OLFM3: variants seen among roughly 807,000 people sequenced by gnomAD.
OLFM3 encodes the protein noelin-3.
A neutral mutation model predicts 48.6 loss-of-function variants in OLFM3; 20 were observed. The observed-to-expected ratio is 0.41, with a 90% CI of 0.29 to 0.60. OLFM3 has a LOEUF of 0.60. Ranked by LOEUF, OLFM3 falls within the 20% of genes least tolerant of loss-of-function variation. The pLI is 0.28. For missense variants in OLFM3, 437 were observed against 544.3 expected (o/e 0.80, Z 1.96); for synonymous variants, 222 against 198.1 (o/e 1.12, Z -1.01).
rs1176403079 is a variant in OLFM3 at position 101,975,830 on chromosome 1, A to ACGCAG, written c.69+20913_69+20917dup. The stretch of plus-strand genomic sequence containing the variant: ...GAATATTCAGGAGACACAGGGAGCA[A>ACGCAG]CGCAGCGTAATACCCACACACAGAG... On this transcript the variant is annotated intron_variant, in intron 1 of 5. Transcript: ENST00000370103. Among the ~76,000 whole-genome samples, 3 of 152,270 alleles carry ACGCAG rather than the reference A, an allele frequency of 2.0e-5. No homozygotes were observed. In the East Asian group the frequency reaches 5.8e-4, roughly 29 times the overall value.
chr1:101,888,724 T>A (rs1045762573), intron 1 of OLFM3, among the ~76,000 whole-genome samples: 1 of 152,058 alleles, frequency 6.6e-6, no homozygotes, highest in Non-Finnish European at 1.5e-5. Context: ...ACCTACAGAA[T>A]GGGAGAAAAT....
intron 1 of OLFM3, among the ~76,000 whole-genome samples, chr1:101,886,970 C>G (rs560519494): frequency 6.6e-6 from 1 of 152,108 alleles, no homozygotes; most frequent in Admixed American, 6.6e-5. Context: ...AATTTCTTCT[C>G]TTGAAAAATC....
chr1:101,852,777 C>T (rs1233224814), intron 1 of OLFM3, among the ~76,000 whole-genome samples: 1 of 152,142 alleles, frequency 6.6e-6, no homozygotes, highest in African/African-American at 2.4e-5. Flanking sequence ...TTTCAGTTAA[C>T]TGGCAACACT....
chr1:101,980,215 C>A (rs1276713307), intron 1 of OLFM3, among the ~76,000 whole-genome samples: 4 of 151,986 alleles, frequency 2.6e-5, no homozygotes, highest in Admixed American at 2.6e-4. Context: ...TGAGTTAATG[C>A]CTGAATGAGT....
At chr1:101,906,879 C>T (rs192705849) in intron 1 of OLFM3, among the ~76,000 whole-genome samples, 3 of 152,294 alleles carry the variant, frequency 2.0e-5, no homozygotes, top group South Asian at 2.1e-4. Context: ...CATATATGCA[C>T]ACATACACAA....
At chr1:101,846,643 C>T (rs1357576474) in intron 1 of OLFM3, among the ~76,000 whole-genome samples, 4 of 152,002 alleles carry the variant, frequency 2.6e-5, no homozygotes, top group Non-Finnish European at 5.9e-5. Context: ...TCTTTCATAG[C>T]TCATTTCTCA....
intron 1 of OLFM3, among the ~76,000 whole-genome samples, chr1:101,985,594 G>A (rs1215380149): frequency 2.0e-5 from 3 of 152,160 alleles, no homozygotes; most frequent in African/African-American, 4.8e-5. Flanking sequence ...ATTTGAAATA[G>A]AGGTTCTCTC....
chr1:101,899,044 CA>C (rs951512950), intron 1 of OLFM3, among the ~76,000 whole-genome samples: 9 of 152,122 alleles, frequency 5.9e-5, no homozygotes, highest in African/African-American at 1.9e-4. Flanking sequence ...CTTTAAACAA[CA>C]AACATTGATT....
At chr1:101,910,515 A>G (rs1557726998) in intron 1 of OLFM3, among the ~76,000 whole-genome samples, 1 of 119,214 alleles carries the variant, frequency 8.4e-6, no homozygotes, top group East Asian at 3.0e-4. Context: ...TTCTAAATAG[A>G]CTAAAGAGTA....
chr1:101,817,808 T>G (rs1422553250), intron 4 of OLFM3, among the ~76,000 whole-genome samples: 1 of 152,124 alleles, frequency 6.6e-6, no homozygotes, highest in Non-Finnish European at 1.5e-5. Flanking sequence ...GATTTGATCT[T>G]TAAAGTCTAC....
intron 1 of OLFM3, among the ~76,000 whole-genome samples, chr1:101,846,213 A>G (rs561282905): frequency 1.8e-4 from 28 of 152,352 alleles, no homozygotes; most frequent in African/African-American, 6.7e-4. Context: ...TATACAAGAC[A>G]GTCTTGTGAT....
chr1:101,910,188 C>T (rs1452923419), intron 1 of OLFM3: 50 of 967,126 alleles, frequency 5.2e-5, no homozygotes, highest in Non-Finnish European at 6.1e-5. Flanking sequence ...CATTCTCGAC[C>T]GGGCGCGGTC....
intron 1 of OLFM3, among the ~76,000 whole-genome samples, chr1:101,953,030 A>G (rs6685417): frequency 6.6e-6 from 1 of 151,916 alleles, no homozygotes; most frequent in Non-Finnish European, 1.5e-5. Context: ...CATGAGTAAA[A>G]GTACAAAAAT....
chr1:101,963,729 T>G (rs551181268), intron 1 of OLFM3, among the ~76,000 whole-genome samples: 69 of 152,266 alleles, frequency 4.5e-4, no homozygotes, highest in Middle Eastern at 3.4e-3. Context: ...CCAAAAGAGC[T>G]GGGGGGACAT....
At chr1:101,828,425 C>T (rs970979480) in intron 3 of OLFM3, among the ~76,000 whole-genome samples, 8 of 152,100 alleles carry the variant, frequency 5.3e-5, no homozygotes, top group Admixed American at 4.6e-4. Context: ...TGGATTTTGA[C>T]ATATAACTTC....
At chr1:101,924,465 G>T (rs1406646999) in intron 1 of OLFM3, among the ~76,000 whole-genome samples, 1 of 152,126 alleles carries the variant, frequency 6.6e-6, no homozygotes, top group African/African-American at 2.4e-5. Context: ...AGTAATGTGT[G>T]TTCAACCTAT....
chr1:101,919,120 A>G (rs1557730277), intron 1 of OLFM3, among the ~76,000 whole-genome samples: 1 of 152,208 alleles, frequency 6.6e-6, no homozygotes, highest in Non-Finnish European at 1.5e-5. Context: ...ACTGGACAGT[A>G]GAACTTAATT....
At chr1:101,978,638 C>G (rs897373394) in intron 1 of OLFM3, among the ~76,000 whole-genome samples, 1 of 152,166 alleles carries the variant, frequency 6.6e-6, no homozygotes, top group African/African-American at 2.4e-5. Flanking sequence ...TGAGGTTTCA[C>G]TCTTTAGTAG....
intron 1 of OLFM3, among the ~76,000 whole-genome samples, chr1:101,976,572 T>C (rs768788444): frequency 1.3e-4 from 20 of 152,322 alleles, no homozygotes; most frequent in Non-Finnish European, 2.5e-4. Flanking sequence ...ACAGAAACTA[T>C]TATGTCATGT....
Sources: allele counts gnomAD v4.1 joint callset (sites outside exome capture counted in the v4.1 genomes callset), GRCh38; gene constraint gnomAD v4.1.1; transcripts MANE v1.5; gene names NCBI Gene and HGNC (gene_info 2026-07-23, HGNC 2026-07-21).